NPIPA1: variants seen among roughly 807,000 people sequenced by gnomAD.
NPIPA1 encodes nuclear pore complex interacting protein family member A1.
For missense variants in NPIPA1, 22 were observed against 232.2 expected, an observed-to-expected ratio of 0.09 and a Z score of 5.88; for synonymous variants, 7 against 88.0, an observed-to-expected ratio of 0.08 and a Z score of 5.15.
intron 1 of NPIPA1, among the ~76,000 whole-genome samples, chr16:14,938,585 C>A (rs1360840169): frequency 7.7e-6 from 1 of 130,374 alleles, no homozygotes; most frequent in Non-Finnish European, 1.6e-5. Context: ...ACCTGTTATC[C>A]CAGTTACTGG....
At chr16:14,946,242 T>TTTC (rs1219069852) in intron 4 of NPIPA1, among the ~76,000 whole-genome samples, 45 of 109,682 alleles carry the variant, frequency 4.1e-4, no homozygotes, top group African/African-American at 1.5e-3. Flanking sequence ...TTTTTTTTTT[T>TTTC]TTCCTGAAAT....
At chr16:14,938,816 G>A (rs1270749453) in intron 1 of NPIPA1, among the ~76,000 whole-genome samples, 2 of 151,600 alleles carry the variant, frequency 1.3e-5, no homozygotes, top group Admixed American at 1.3e-4. Context: ...TCGGCTCACT[G>A]CAACCTCCGC....
intron 1 of NPIPA1, chr16:14,938,069 C>G: frequency 2.9e-6 from 1 of 341,994 alleles, no homozygotes; most frequent in Non-Finnish European, 5.2e-6. Flanking sequence ...CCCTTACTTC[C>G]CCCCTTCCCC....
chr16:14,947,055 G>C (rs1253633465), intron 4 of NPIPA1, among the ~76,000 whole-genome samples: 1 of 152,112 alleles, frequency 6.6e-6, no homozygotes. Context: ...TTGAACTCCT[G>C]ACCTCAGGTG....
At chr16:14,948,475 TCTGA>T (rs1198877818) in intron 4 of NPIPA1, among the ~76,000 whole-genome samples, 4 of 152,188 alleles carry the variant, frequency 2.6e-5, no homozygotes, top group African/African-American at 9.7e-5. Context: ...GGCATCAGCC[TCTGA>T]CTGAGAATCA....
At chr16:14,942,778 G>C (rs1444430555) in intron 2 of NPIPA1, among the ~76,000 whole-genome samples, 2 of 152,258 alleles carry the variant, frequency 1.3e-5, no homozygotes, top group African/African-American at 4.8e-5. Context: ...GTCTGTACTT[G>C]GTAAGAATTT....
chr16:14,945,105 T>C (rs1175505298), intron 2 of NPIPA1, among the ~76,000 whole-genome samples: 3 of 148,156 alleles, frequency 2.0e-5, no homozygotes, highest in Non-Finnish European at 4.5e-5. Context: ...GAGACAGCGT[T>C]TCTCCATGTT....
rs143169798 is a variant in NPIPA1, at chr16:14,951,936, C to G, written c.964C>G (p.Pro322Ala). Residue 322 changes from proline (P) to alanine (A), a missense_variant, in exon 8 of 8, where the codon CCC becomes GCC. Physicochemically the swap from Pro to Ala is conservative, Grantham distance 27. Coordinates refer to ENST00000328085, the MANE Select transcript of NPIPA1 (RefSeq NM_006985.4). ...LLTPLPPSAP[P>A]SVDDNLKTPP... Reference sequence around the variant, plus strand: ...CACTCCCCTTCCACCCTCAGCTCCACCCTCAGTGGATGATAATCTCAAGAC... The same window carrying G: ...CACTCCCCTTCCACCCTCAGCTCCAGCCTCAGTGGATGATAATCTCAAGAC... 6.4e-7 allele frequency: 1 copy of G among 1,558,400 alleles called. No homozygotes were observed. The highest frequency in any genetic ancestry group is 1.4e-5 in the African/African-American group (1 of 73,272).
At chr16:14,946,546 A>G (rs1188301129) in intron 4 of NPIPA1, among the ~76,000 whole-genome samples, 9 of 143,670 alleles carry the variant, frequency 6.3e-5, no homozygotes, top group Non-Finnish European at 9.1e-5. Context: ...TAATTTTGAG[A>G]TAGAGTCTCG....
intron 1 of NPIPA1, among the ~76,000 whole-genome samples, chr16:14,939,123 TA>T (rs1675412707): frequency 1.4e-5 from 2 of 140,828 alleles, no homozygotes; most frequent in South Asian, 2.6e-4. Context: ...TTTATTTATT[TA>T]TTTTTTTGAG....
intron 1 of NPIPA1, among the ~76,000 whole-genome samples, chr16:14,938,947 A>G (rs1965690954): frequency 7.0e-6 from 1 of 143,404 alleles, no homozygotes; most frequent in Non-Finnish European, 1.5e-5. Context: ...GATAGTCTCC[A>G]TGTCTTGACC....
At chr16:14,947,514 C>A (rs1385271430) in intron 4 of NPIPA1, among the ~76,000 whole-genome samples, 1 of 151,260 alleles carries the variant, frequency 6.6e-6, no homozygotes, top group Non-Finnish European at 1.5e-5. Flanking sequence ...TAACCCCACG[C>A]ATGTGTGCAA....
At chr16:14,944,994 C>A (rs1597175229) in intron 2 of NPIPA1, among the ~76,000 whole-genome samples, 5 of 149,576 alleles carry the variant, frequency 3.3e-5, no homozygotes, top group African/African-American at 1.2e-4. Context: ...TCAACACAAC[C>A]TTTTCCTGCT....
At chr16:14,943,766 T>G (rs1340524459) in intron 2 of NPIPA1, among the ~76,000 whole-genome samples, 26 of 152,050 alleles carry the variant, frequency 1.7e-4, no homozygotes, top group Non-Finnish European at 3.7e-4. Flanking sequence ...AGATTACCCA[T>G]TGCTTCTCTT....
At chr16:14,947,027 A>G (rs1199441491) in intron 4 of NPIPA1, among the ~76,000 whole-genome samples, 2 of 151,926 alleles carry the variant, frequency 1.3e-5, no homozygotes, top group Non-Finnish European at 1.5e-5. Context: ...CGGGTTCACC[A>G]TGTTGGCCAG....
chr16:14,943,805 A>C (rs1218617965), intron 2 of NPIPA1, among the ~76,000 whole-genome samples: 2 of 151,630 alleles, frequency 1.3e-5, no homozygotes, highest in Middle Eastern at 3.4e-3. Flanking sequence ...TTTTTTTTTT[A>C]TCCTATGTGC....
At chr16:14,946,688 A>AT (rs57059259) in intron 4 of NPIPA1, among the ~76,000 whole-genome samples, 2,118 of 89,958 alleles carry the variant, frequency 0.024, 8 homozygotes, top group African/African-American at 0.031. Flanking sequence ...CATTCGGCCA[A>AT]TTTTTTTTTT....
intron 4 of NPIPA1, among the ~76,000 whole-genome samples, chr16:14,946,273 C>CA (rs1965883932): frequency 9.4e-6 from 1 of 106,114 alleles, no homozygotes; most frequent in African/African-American, 3.7e-5. Context: ...TCTTGTTGCC[C>CA]AGGCCGTAGT....
At chr16:14,947,272 G>A (rs867119177) in intron 4 of NPIPA1, among the ~76,000 whole-genome samples, 11 of 152,344 alleles carry the variant, frequency 7.2e-5, no homozygotes, top group Middle Eastern at 6.8e-3. Flanking sequence ...AGGCCTAGTA[G>A]CATGTTATCT....
Sources: gnomAD v4.1 joint callset for allele counts (sites outside exome capture counted in the v4.1 genomes callset) on GRCh38, gnomAD v4.1.1 for gene constraint, MANE v1.5 for transcripts, NCBI Gene and HGNC (gene_info 2026-07-23, HGNC 2026-07-21) for gene names.